ZFYVE28: variants seen among roughly 807,000 people sequenced by gnomAD.
ZFYVE28 encodes zinc finger FYVE-type containing 28, also known as lateral signaling target protein 2 homolog.
ZFYVE28 carries 40 observed loss-of-function variants against 82.1 expected under a neutral mutation model. That is an observed-to-expected ratio of 0.49 (90% CI 0.38 to 0.63). ZFYVE28 has a LOEUF of 0.63. ZFYVE28 is among the 30% of genes least tolerant of loss of function. The probability of loss-of-function intolerance (pLI) is 0.00; values close to 1 mark genes in which losing one functional copy is unlikely to be tolerated. For missense variants in ZFYVE28, 1,321 were observed against 1,242.1 expected, an observed-to-expected ratio of 1.06 and a Z score of -0.96; for synonymous variants, 612 against 546.1, an observed-to-expected ratio of 1.12 and a Z score of -1.68.
At chr4:2,271,541 G>C (rs895896958) in intron 11 of ZFYVE28, 127 bp from the exon 12 acceptor site, 8 of 1,415,572 alleles carry the variant, frequency 5.7e-6, no homozygotes, top group Admixed American at 3.5e-5. Context: ...CAGCCTCCGG[G>C]GGGGCGGTCT....
Position 2,335,473 on chromosome 4 carries a change from T to C in ZFYVE28, c.701+232A>G, listed in dbSNP as rs1415337801. Among the ~76,000 whole-genome samples, 1 of 152,020 alleles carries C rather than the reference T, an allele frequency of 6.6e-6. No individual in the cohort carries two copies. The highest frequency in any genetic ancestry group is 1.9e-4 in the East Asian group (1 of 5,174). ...GCAGGTGTTAGGCCACCTTGCCCTA[T>C]CTAGGGTGACAGAGCCTCCCTCACC... On this transcript the variant is annotated intron_variant, in intron 6 of 12. Coordinates refer to ENST00000290974, the MANE Select transcript of ZFYVE28 (RefSeq NM_020972.3). The surrounding 1 kb of genome is among the most constrained non-coding windows in gnomAD (Gnocchi z 5.8).
intron 1 of ZFYVE28, among the ~76,000 whole-genome samples, chr4:2,379,524 C>T (rs1001728697): frequency 2.0e-4 from 30 of 152,132 alleles, no homozygotes; most frequent in Middle Eastern, 3.2e-3. Context: ...CAAAATTGGC[C>T]CATCACTCCT....
rs1049601352 is a variant in ZFYVE28 at position 2,418,414 on chromosome 4, G to A, written c.-91C>T. 6.7e-6 allele frequency: 7 copies of A among 1,047,364 alleles called. No homozygotes were observed. Among genetic ancestry groups the A allele is most frequent in the African/African-American group, 1.7e-5 (1 of 58,584 alleles). 64.9% of individuals were successfully genotyped at this position (1,047,364 alleles called of 1,614,324 possible). Reference sequence around the variant, plus strand: ...GCTGAGGCGCGGGGCGGACGCGGAGGCACGGCCGGAGCCCCCGCGCTGTCG... The same window carrying A: ...GCTGAGGCGCGGGGCGGACGCGGAGACACGGCCGGAGCCCCCGCGCTGTCG... On this transcript the variant is annotated 5_prime_UTR_variant, in exon 1 of 13. Coordinates refer to ENST00000290974, the MANE Select transcript of ZFYVE28 (RefSeq NM_020972.3). The surrounding 1 kb of genome is among the most constrained non-coding windows in gnomAD (Gnocchi z 4.6).
At chr4:2,347,301 A>C (rs1723740188) in intron 2 of ZFYVE28, among the ~76,000 whole-genome samples, 1 of 152,196 alleles carries the variant, frequency 6.6e-6, no homozygotes, top group African/African-American at 2.4e-5. Flanking sequence ...GACATAAACA[A>C]ATCCACAATT....
intron 8 of ZFYVE28, among the ~76,000 whole-genome samples, chr4:2,292,309 G>A (rs922453556): frequency 6.6e-6 from 1 of 152,202 alleles, no homozygotes; most frequent in Non-Finnish European, 1.5e-5. Flanking sequence ...TCTTCGTCCA[G>A]GCAGCCATGG....
chr4:2,280,038 G>T (rs1002775967), intron 8 of ZFYVE28, among the ~76,000 whole-genome samples: 2 of 152,154 alleles, frequency 1.3e-5, no homozygotes, highest in Non-Finnish European at 2.9e-5. Context: ...CAACAGAAGA[G>T]AATGTTTTTC....
chr4:2,336,477 T>A (rs1721708024), intron 5 of ZFYVE28, among the ~76,000 whole-genome samples: 1 of 152,206 alleles, frequency 6.6e-6, no homozygotes, highest in Non-Finnish European at 1.5e-5. Flanking sequence ...ACATCAAGGT[T>A]ACATCTTAAC....
At chr4:2,413,503 C>T (rs1260740641) in intron 1 of ZFYVE28, among the ~76,000 whole-genome samples, 1 of 152,114 alleles carries the variant, frequency 6.6e-6, no homozygotes, top group Non-Finnish European at 1.5e-5. Context: ...AGCGTCCTCC[C>T]AGGACTTCCT....
intron 8 of ZFYVE28, among the ~76,000 whole-genome samples, chr4:2,294,497 G>A (rs1253610416): frequency 6.6e-6 from 1 of 152,110 alleles, no homozygotes; most frequent in Admixed American, 6.6e-5. Flanking sequence ...AAGACTTCCA[G>A]AAGAAAACAT....
rs1254726212 is a variant in ZFYVE28 at position 2,304,520 on chromosome 4, G to C, written c.1820C>G (p.Pro607Arg). 6.2e-7 allele frequency: 1 copy of C among 1,612,650 alleles called. No individual in the cohort carries two copies. Among genetic ancestry groups the C allele is most frequent in the East Asian group, 2.2e-5 (1 of 44,880 alleles). The change falls in exon 8 of 13, where the codon CCT (proline) becomes CGT (arginine). Residue 607 changes from proline to arginine, a missense_variant. Coordinates refer to ENST00000290974, the MANE Select transcript of ZFYVE28 (RefSeq NM_020972.3). ...TGGGGGCGCCTCCTCCTGTCTCTCA[G>C]GGGCCCTGTCGCTGGCCTTGGCTAA... Reference protein sequence around the residue: ...AGLAKASDRAPERQEEAPPPS... With the variant: ...AGLAKASDRARERQEEAPPPS...
chr4:2,309,701 A>G (rs1001245756), intron 7 of ZFYVE28, among the ~76,000 whole-genome samples: 6 of 152,220 alleles, frequency 3.9e-5, no homozygotes, highest in African/African-American at 9.6e-5. Flanking sequence ...AATAGTAGAC[A>G]TCTTCTTCCC....
At chr4:2,284,966 C>T (rs1250479757) in intron 8 of ZFYVE28, among the ~76,000 whole-genome samples, 1 of 152,188 alleles carries the variant, frequency 6.6e-6, no homozygotes, top group South Asian at 2.1e-4. Context: ...ATGTTGAAGT[C>T]CTAACCCCCA....
intron 7 of ZFYVE28, among the ~76,000 whole-genome samples, chr4:2,315,934 G>A (rs1363964509): frequency 3.3e-5 from 5 of 151,882 alleles, no homozygotes; most frequent in Admixed American, 6.6e-5. Flanking sequence ...TTTGTTACAC[G>A]TGTCTCTTAT....
At chr4:2,301,381 T>G (rs1715494755) in intron 8 of ZFYVE28, among the ~76,000 whole-genome samples, 1 of 152,162 alleles carries the variant, frequency 6.6e-6, no homozygotes, top group South Asian at 2.1e-4. Flanking sequence ...GGCACTGACC[T>G]AAATTGAACC....
chr4:2,364,675 T>A, intron 1 of ZFYVE28: 5 of 985,500 alleles, frequency 5.1e-6, no homozygotes, highest in Non-Finnish European at 6.0e-6. Flanking sequence ...CCGCTTAGCC[T>A]GGACAAGCCC....
chr4:2,403,011 C>T (rs1274589738), intron 1 of ZFYVE28, among the ~76,000 whole-genome samples: 1 of 152,270 alleles, frequency 6.6e-6, no homozygotes, highest in Admixed American at 6.5e-5. Context: ...GCTGGCGTGC[C>T]ATTATCCGTG....
rs900359092 is a variant in ZFYVE28 at position 2,273,355 on chromosome 4, C to A, written c.2207-66G>T. 11 of 1,457,926 alleles carry A rather than the reference C, an allele frequency of 7.5e-6. No homozygotes were observed. The Admixed American group carries it at 1.6e-4, about 21-fold the overall frequency. The allele number at this position is 1,457,926 out of a possible 1,614,324, so 90.3% of individuals were successfully genotyped here. A position where few individuals can be genotyped will look rare whatever the true frequency, so the allele number is the denominator to read the frequency against. On this transcript the variant is annotated intron_variant, in intron 9 of 12. Transcript: ENST00000290974. ...ATGGAAGGAACTGCGGAGGTCGGTG[C>A]TGCGGGCTGGGCAGACCCAGCCAGA...
intron 4 of ZFYVE28, among the ~76,000 whole-genome samples, chr4:2,338,892 G>A (rs1445334121): frequency 6.6e-5 from 10 of 152,160 alleles, no homozygotes; most frequent in Non-Finnish European, 1.2e-4. Context: ...TGGCTGGATC[G>A]CAGCTCACTG....
intron 6 of ZFYVE28, chr4:2,328,929 C>A: frequency 2.2e-6 from 1 of 452,100 alleles, no homozygotes. Context: ...ATAATCAGTT[C>A]ACCATAGATG....
Sources: gnomAD v4.1 joint callset for allele counts (sites outside exome capture counted in the v4.1 genomes callset) on GRCh38, gnomAD v4.1.1 for gene constraint, Gnocchi (gnomAD v3.1) non-coding constraint, MANE v1.5 for transcripts, NCBI Gene and HGNC (gene_info 2026-07-23, HGNC 2026-07-21) for gene names.